Variants in RPL28 observed in about 807,000 individuals in gnomAD.
The protein encoded by RPL28 is ribosomal protein L28.
Under a neutral mutation model 12.5 loss-of-function variants are expected in RPL28, and 4 were observed. The ratio of observed to expected loss-of-function variants is 0.32; its 90% CI spans 0.16 to 0.73. The LOEUF (loss-of-function observed/expected upper bound fraction) is 0.73, where lower values mean the gene tolerates loss of function less well. Among genes scored for constraint, RPL28 ranks in the 30% least tolerant of loss-of-function variants. The pLI is 0.66. For missense variants in RPL28, 214 were observed against 197.7 expected (o/e 1.08, Z -0.49); for synonymous variants, 91 against 72.5 (o/e 1.26, Z -1.30).
At chr19:55,395,934 G>T (rs1472442817), downstream of RPL28, among the ~76,000 whole-genome samples, 2 of 152,092 alleles carry the variant, frequency 1.3e-5, no homozygotes, top group African/African-American at 4.8e-5. Context: ...TTCCTTACAT[G>T]ACTGGTAGTG....
intron 4 of RPL28, chr19:55,401,660 G>A (rs778323528): frequency 8.1e-6 from 13 of 1,610,420 alleles, no homozygotes; most frequent in Middle Eastern, 1.7e-4. Flanking sequence ...GTGAGCAGAC[G>A]GGCCCGAGCC....
downstream of RPL28, chr19:55,392,134 G>T: frequency 1.0e-6 from 1 of 987,798 alleles, no homozygotes; most frequent in Non-Finnish European, 1.2e-6. Flanking sequence ...GCAAATGAAA[G>T]AAGAGTATGC....
chr19:55,386,190 C>T (rs898859110), intron 1 of RPL28, 160 bp from the exon 2 acceptor site: 4 of 659,284 alleles, frequency 6.1e-6, no homozygotes, highest in African/African-American at 5.4e-5. Context: ...TCACTCAGTC[C>T]CGCCTGACAA....
chr19:55,387,583 G>A (rs1299066707), intron 3 of RPL28: 3 of 1,408,432 alleles, frequency 2.1e-6, no homozygotes, highest in African/African-American at 2.9e-5. Context: ...TGGGCCTGGG[G>A]TTCCTGGGAA....
At position 55,390,485 on chromosome 19, in the gene RPL28, G is replaced by A. The variant is rs1159621524; in HGVS notation, c.*2153G>A. ...CTCCCAAAGTGCTGGCATTACAGGC[G>A]CTCGAGGCTTTCTGATGTGGCTGCT... On this transcript the variant is annotated 3_prime_UTR_variant, in exon 5 of 5. Coordinates refer to ENST00000344063, the MANE Select transcript of RPL28 (RefSeq NM_000991.5). 7 of 985,354 alleles carry A rather than the reference G, an allele frequency of 7.1e-6. No homozygotes were observed. Among genetic ancestry groups the A allele is most frequent in the East Asian group, 2.3e-4 (2 of 8,824 alleles). 61.0% of individuals were successfully genotyped at this position (985,354 alleles called of 1,614,324 possible). A position where few individuals can be genotyped will look rare whatever the true frequency, so the allele number is the denominator to read the frequency against.
intron 4 of RPL28, among the ~76,000 whole-genome samples, chr19:55,398,372 C>T (rs973780424): frequency 5.3e-5 from 8 of 152,166 alleles, no homozygotes; most frequent in Admixed American, 3.3e-4. Context: ...AAGTTGAGTT[C>T]TTTTGACTTG....
chr19:55,400,272 ACCT>A (rs1373413211), intron 4 of RPL28: 1 of 151,804 alleles, frequency 6.6e-6, no homozygotes, highest in African/African-American at 2.4e-5. Flanking sequence ...TGATCCTTTC[ACCT>A]CCTAAAGTTG....
In RPL28 at chr19:55,389,654, T is replaced by C; in HGVS notation, c.*1322T>C. On this transcript the variant is annotated 3_prime_UTR_variant, in exon 5 of 5. Transcript: ENST00000344063. ...CCCTTCCGACCTCAGTCCTGTCTGC[T>C]CCAGTCTTGCCCAGCTCGAAGGAGA... is the stretch of plus-strand genomic sequence containing the variant. 7 of 985,506 alleles carry C rather than the reference T, an allele frequency of 7.1e-6. No individual in the cohort carries two copies. Among genetic ancestry groups the C allele is most frequent in the Non-Finnish European group, 7.2e-6 (6 of 829,986 alleles). The allele number at this position is 985,506 out of a possible 1,614,324, so 61.0% of individuals were successfully genotyped here.
chr19:55,396,816 G>T (rs537067878), downstream of RPL28, among the ~76,000 whole-genome samples: 2 of 151,168 alleles, frequency 1.3e-5, no homozygotes, highest in Non-Finnish European at 2.9e-5. Flanking sequence ...TCCTGACCTT[G>T]TGATCCGCCC....
At position 55,390,689 on chromosome 19, in the gene RPL28, T is replaced by A. The variant is rs2089981810; in HGVS notation, c.*2357T>A. On this transcript the variant is annotated 3_prime_UTR_variant, in exon 5 of 5. Transcript: ENST00000344063. ...GCCCAGCTTAGTGGGCCTCTGTTCCTGCGGGTGGCCAGCCTGTCTGTGTGG... is the reference window on the plus strand; with the variant it reads ...GCCCAGCTTAGTGGGCCTCTGTTCCAGCGGGTGGCCAGCCTGTCTGTGTGG... The A allele has an allele frequency of 2.0e-6, 2 of 985,450 alleles. No individual in the cohort carries two copies. The highest frequency in any genetic ancestry group is 2.4e-6 in the Non-Finnish European group (2 of 829,944). 61.0% of individuals were successfully genotyped at this position (985,450 alleles called of 1,614,324 possible). A position where few individuals can be genotyped will look rare whatever the true frequency, so the allele number is the denominator to read the frequency against.
chr19:55,391,227 C>T lies in RPL28; in HGVS notation c.*2895C>T, dbSNP rs577941153. On this transcript the variant is annotated 3_prime_UTR_variant, in exon 5 of 5. Transcript: ENST00000344063. The stretch of plus-strand genomic sequence containing the variant: ...TTCCCAGCTCAGGGCTAATGGTTCA[C>T]GGAAGCCAGGAATCAAACTGCCTGG... The T allele has an allele frequency of 7.8e-6, 2 of 257,898 alleles. No individual in the cohort carries two copies. The highest frequency in any genetic ancestry group is 9.6e-5 in the East Asian group (1 of 10,382). 16.0% of individuals were successfully genotyped at this position (257,898 alleles called of 1,614,324 possible). A position where few individuals can be genotyped will look rare whatever the true frequency, so the allele number is the denominator to read the frequency against.
intron 4 of RPL28, chr19:55,401,714 C>T (rs753488671): frequency 4.3e-6 from 7 of 1,613,458 alleles, no homozygotes; most frequent in South Asian, 1.1e-5. Flanking sequence ...CCCGCCTCCT[C>T]GTTGAGTGCA....
At position 55,391,957 on chromosome 19, in the gene RPL28, G is replaced by A. The variant is rs1328405562; in HGVS notation, c.*3625G>A. On this transcript the variant is annotated 3_prime_UTR_variant, in exon 5 of 5. Coordinates refer to ENST00000344063, the MANE Select transcript of RPL28 (RefSeq NM_000991.5). ...TGTGAGCTTTCCCAGCCTCCTGCCC[G>A]TGTTTGTGAATATCATTCTGTCCTC... 12 of 1,224,628 alleles carry A rather than the reference G, an allele frequency of 9.8e-6. No individual in the cohort carries two copies. Among genetic ancestry groups the A allele is most frequent in the African/African-American group, 3.1e-5 (2 of 64,506 alleles). The allele number at this position is 1,224,628 out of a possible 1,614,324, so 75.9% of individuals were successfully genotyped here. A position where few individuals can be genotyped will look rare whatever the true frequency, so the allele number is the denominator to read the frequency against.
downstream of RPL28, among the ~76,000 whole-genome samples, chr19:55,396,783 T>G: frequency 6.7e-6 from 1 of 149,368 alleles, no homozygotes. Flanking sequence ...GGTTTCACCG[T>G]GTTAGCCAGG....
chr19:55,397,554 G>T (rs926183471), intron 4 of RPL28, among the ~76,000 whole-genome samples: 2 of 151,734 alleles, frequency 1.3e-5, no homozygotes, highest in African/African-American at 4.8e-5. Context: ...TAATTTTTTT[G>T]TATTTTTAGT....
chr19:55,396,498 C>T (rs866170201), downstream of RPL28, among the ~76,000 whole-genome samples: 1 of 4,316 alleles, frequency 2.3e-4, no homozygotes, highest in Admixed American at 1.3e-3. Context: ...CTCCCCACCC[C>T]TCCCCTCCCC....
intron 3 of RPL28, chr19:55,387,232 T>C: frequency 6.6e-7 from 1 of 1,508,306 alleles, no homozygotes; most frequent in South Asian, 1.2e-5. Context: ...GGGTCTCTAA[T>C]GGAGGAGTCC....
chr19:55,392,656 A>G (rs1052044066), downstream of RPL28, among the ~76,000 whole-genome samples: 1 of 151,350 alleles, frequency 6.6e-6, no homozygotes, highest in Non-Finnish European at 1.5e-5. Context: ...CCTCCCCAGG[A>G]GCTGGGACTA....
Position 55,391,417 on chromosome 19 carries a change from T to C in RPL28, c.*3085T>C, listed in dbSNP as rs117614326. 7 of 1,308,100 alleles carry C rather than the reference T, an allele frequency of 5.4e-6. No homozygotes were observed. The East Asian group carries it at 2.0e-4, about 37-fold the overall frequency. The allele number at this position is 1,308,100 out of a possible 1,614,324, so 81.0% of individuals were successfully genotyped here. On this transcript the variant is annotated 3_prime_UTR_variant, in exon 5 of 5. Coordinates refer to ENST00000344063, the MANE Select transcript of RPL28 (RefSeq NM_000991.5). Reference sequence around the variant, plus strand: ...TGTTCACTGCTGTCTCTCCAGCTCTTAGTCCAGTAGCTGCATGGTGAGTGA... The same window carrying C: ...TGTTCACTGCTGTCTCTCCAGCTCTCAGTCCAGTAGCTGCATGGTGAGTGA...
Sources: allele counts gnomAD v4.1 joint callset (sites outside exome capture counted in the v4.1 genomes callset), GRCh38; gene constraint gnomAD v4.1.1; transcripts MANE v1.5; gene names NCBI Gene and HGNC (gene_info 2026-07-23, HGNC 2026-07-21).